Variants in KIAA1217 observed in about 807,000 individuals in gnomAD.
KIAA1217 encodes sickle tail protein homolog.
A neutral mutation model predicts 163.9 loss-of-function variants in KIAA1217; 88 were observed. The ratio of observed to expected loss-of-function variants is 0.54; its 90% CI spans 0.45 to 0.64. The LOEUF (loss-of-function observed/expected upper bound fraction) is 0.64. Ranked by LOEUF, KIAA1217 falls within the 30% of genes least tolerant of loss-of-function variation. The pLI, the probability that KIAA1217 is intolerant of heterozygous loss-of-function variation, is 0.00. For missense variants in KIAA1217, 2,372 were observed against 2,475.0 expected, an observed-to-expected ratio of 0.96 and a Z score of 0.88; for synonymous variants, 903 against 923.1, an observed-to-expected ratio of 0.98 and a Z score of 0.39.
chr10:23,776,405 A>G (rs1770142774), intron 1 of KIAA1217, among the ~76,000 whole-genome samples: 1 of 151,318 alleles, frequency 6.6e-6, no homozygotes, highest in South Asian at 2.1e-4. Context: ...CCCTATGCCT[A>G]ATTCATTATT....
At chr10:24,368,370 G>A (rs901885362) in intron 2 of KIAA1217, among the ~76,000 whole-genome samples, 1 of 151,980 alleles carries the variant, frequency 6.6e-6, no homozygotes, top group African/African-American at 2.4e-5. Context: ...CCCATCATAA[G>A]TAGTACTGAG....
At chr10:23,894,632 A>G (rs1203591809) in intron 1 of KIAA1217, among the ~76,000 whole-genome samples, 2 of 150,424 alleles carry the variant, frequency 1.3e-5, no homozygotes, top group African/African-American at 4.9e-5. Context: ...CAGAATTGGA[A>G]AAATCTACTT....
intron 3 of KIAA1217, among the ~76,000 whole-genome samples, chr10:24,408,366 A>C (rs888605798): frequency 2.6e-5 from 4 of 151,946 alleles, no homozygotes; most frequent in Non-Finnish European, 5.9e-5. Flanking sequence ...TACATCCCCT[A>C]CTCCTAATCC....
At chr10:24,424,584 T>C (rs1427979528) in intron 3 of KIAA1217, among the ~76,000 whole-genome samples, 1 of 152,110 alleles carries the variant, frequency 6.6e-6, no homozygotes, top group African/African-American at 2.4e-5. Context: ...TGGGTGTTGT[T>C]TTTCTGTTCT....
At chr10:24,400,990 C>T (rs1362797942) in intron 3 of KIAA1217, among the ~76,000 whole-genome samples, 1 of 151,598 alleles carries the variant, frequency 6.6e-6, no homozygotes, top group Non-Finnish European at 1.5e-5. Flanking sequence ...CACACACACA[C>T]ACACACACAG....
intron 1 of KIAA1217, among the ~76,000 whole-genome samples, chr10:23,797,879 A>C (rs917240762): frequency 6.6e-6 from 1 of 152,202 alleles, no homozygotes; most frequent in Non-Finnish European, 1.5e-5. Context: ...TTCATGCAGA[A>C]GAACATCTGA....
intron 8 of KIAA1217, among the ~76,000 whole-genome samples, chr10:24,497,218 G>A (rs998030615): frequency 3.3e-5 from 5 of 152,214 alleles, no homozygotes; most frequent in Admixed American, 6.5e-5. Context: ...ATCTGGCCAA[G>A]AGTAAAGGAA....
intron 2 of KIAA1217, among the ~76,000 whole-genome samples, chr10:24,265,002 C>T (rs868209076): frequency 2.0e-5 from 3 of 152,066 alleles, no homozygotes; most frequent in Admixed American, 6.5e-5. Context: ...AAGTGTGTGC[C>T]ACTACCCACC....
At chr10:23,841,131 T>A (rs762039225) in intron 1 of KIAA1217, among the ~76,000 whole-genome samples, 36 of 152,238 alleles carry the variant, frequency 2.4e-4, no homozygotes, top group Non-Finnish European at 1.8e-4. Context: ...TGGTAAGCAC[T>A]ATATATGTGA....
At chr10:24,239,697 T>TTTG (rs1564323754) in intron 2 of KIAA1217, among the ~76,000 whole-genome samples, 20 of 81,028 alleles carry the variant, frequency 2.5e-4, no homozygotes, top group Non-Finnish European at 4.5e-4. Context: ...GTGTGTGTGT[T>TTTG]TGTGTGTGTG....
At chr10:23,758,982 AG>A (rs1320512419) in intron 1 of KIAA1217, among the ~76,000 whole-genome samples, 3 of 152,066 alleles carry the variant, frequency 2.0e-5, no homozygotes, top group African/African-American at 7.2e-5. Flanking sequence ...GGAGTTTAAT[AG>A]GGATTCATTA....
At chr10:24,532,550 A>G (rs1406036313) in intron 15 of KIAA1217, among the ~76,000 whole-genome samples, 1 of 152,230 alleles carries the variant, frequency 6.6e-6, no homozygotes, top group African/African-American at 2.4e-5. Flanking sequence ...TCACAGTTCC[A>G]TGTGGCTGGG....
intron 2 of KIAA1217, among the ~76,000 whole-genome samples, chr10:24,231,569 C>T (rs564165292): frequency 2.0e-5 from 3 of 152,098 alleles, no homozygotes; most frequent in African/African-American, 7.2e-5. Context: ...CTCTTGTCCT[C>T]AGAGAAATTC....
intron 1 of KIAA1217, among the ~76,000 whole-genome samples, chr10:23,936,470 T>G (rs914147190): frequency 6.6e-6 from 1 of 152,174 alleles, no homozygotes; most frequent in Non-Finnish European, 1.5e-5. Flanking sequence ...GAAGTCGTAG[T>G]GGATTAGCGT....
chr10:24,255,633 C>T (rs1048492847), intron 2 of KIAA1217: 1 of 428,574 alleles, frequency 2.3e-6, no homozygotes, highest in Non-Finnish European at 4.7e-6. Flanking sequence ...TTCCCTGCCC[C>T]CCCTGGGGTC....
chr10:24,115,348 T>G (rs1200921071), intron 2 of KIAA1217, among the ~76,000 whole-genome samples: 1 of 152,208 alleles, frequency 6.6e-6, no homozygotes, highest in Non-Finnish European at 1.5e-5. Flanking sequence ...AACCTAAAAA[T>G]GAAGCATTAT....
chr10:24,261,534 G>C (rs900652922), intron 2 of KIAA1217, among the ~76,000 whole-genome samples: 7 of 151,494 alleles, frequency 4.6e-5, no homozygotes, highest in African/African-American at 1.7e-4. Flanking sequence ...CTGGTGCTGA[G>C]CTGACCTCTT....
chr10:24,304,197 T>G (rs2041726586), intron 2 of KIAA1217, among the ~76,000 whole-genome samples: 1 of 146,536 alleles, frequency 6.8e-6, no homozygotes, highest in African/African-American at 2.7e-5. Context: ...AATTCCATAT[T>G]AGGTTACCTT....
chr10:24,304,031 TA>T (rs1459687388), intron 2 of KIAA1217, among the ~76,000 whole-genome samples: 6 of 151,994 alleles, frequency 3.9e-5, no homozygotes, highest in Non-Finnish European at 7.4e-5. Context: ...CAAATATAAG[TA>T]AATTAGCATA....
Sources: gnomAD v4.1 joint callset for allele counts (sites outside exome capture counted in the v4.1 genomes callset) on GRCh38, gnomAD v4.1.1 for gene constraint, MANE v1.5 for transcripts, NCBI Gene and HGNC (gene_info 2026-07-23, HGNC 2026-07-21) for gene names.